TMEFF2: variants seen among roughly 807,000 people sequenced by gnomAD.
TMEFF2 encodes the protein tomoregulin-2.
In TMEFF2, 28 loss-of-function variants were observed where a neutral mutation model predicts 53.8. That is an observed-to-expected ratio of 0.52 (90% confidence interval 0.39 to 0.71). TMEFF2 has a LOEUF of 0.71. Among genes scored for constraint, TMEFF2 ranks in the 30% least tolerant of loss-of-function variants. The pLI, the probability that TMEFF2 is intolerant of heterozygous loss-of-function variation, is 0.00. For missense variants in TMEFF2, 353 were observed against 455.2 expected (o/e 0.78, Z 2.04); for synonymous variants, 162 against 166.3 (o/e 0.97, Z 0.20).
At chr2:192,135,279 A>G (rs756378733) in intron 4 of TMEFF2, among the ~76,000 whole-genome samples, 5 of 152,310 alleles carry the variant, frequency 3.3e-5, no homozygotes, top group Non-Finnish European at 7.3e-5. Context: ...CTCTTGAAGT[A>G]AATAAATAAT....
chr2:192,002,578 C>G (rs1686392537), intron 5 of TMEFF2, among the ~76,000 whole-genome samples: 1 of 151,868 alleles, frequency 6.6e-6, no homozygotes, highest in Admixed American at 6.6e-5. Flanking sequence ...GCCTGTAATC[C>G]CAGCACCCTG....
At chr2:192,031,408 G>C (rs1339815195) in intron 5 of TMEFF2, 4 of 152,136 alleles carry the variant, frequency 2.6e-5, no homozygotes, top group Non-Finnish European at 5.9e-5. Context: ...AATACTTGGA[G>C]CGTGAGAATC....
intron 5 of TMEFF2, among the ~76,000 whole-genome samples, chr2:192,048,147 C>G (rs572521469): frequency 6.7e-6 from 1 of 149,088 alleles, no homozygotes; most frequent in African/African-American, 2.5e-5. Flanking sequence ...TAGGACAGTA[C>G]GCTCAAACGA....
intron 8 of TMEFF2, among the ~76,000 whole-genome samples, chr2:191,954,613 T>A (rs996456915): frequency 2.6e-5 from 4 of 152,198 alleles, no homozygotes; most frequent in African/African-American, 9.7e-5. Flanking sequence ...TCAGAATAAA[T>A]GTTGAGAAAT....
chr2:192,089,951 G>A (rs1266444109), intron 4 of TMEFF2, among the ~76,000 whole-genome samples: 1 of 152,106 alleles, frequency 6.6e-6, no homozygotes, highest in South Asian at 2.1e-4. Flanking sequence ...CCCTATGTAA[G>A]ATGACTTCTC....
At chr2:192,005,934 G>A (rs1327364691) in intron 5 of TMEFF2, among the ~76,000 whole-genome samples, 1 of 151,890 alleles carries the variant, frequency 6.6e-6, no homozygotes, top group African/African-American at 2.4e-5. Flanking sequence ...TGAGTTGTGA[G>A]AGAAAATGAG....
intron 5 of TMEFF2, among the ~76,000 whole-genome samples, chr2:192,048,943 AAAAC>A (rs1167219501): frequency 1.3e-5 from 2 of 152,232 alleles, no homozygotes; most frequent in East Asian, 1.9e-4. Flanking sequence ...ACCTCTGTGA[AAAAC>A]AAACAAATGA....
At chr2:192,130,378 A>G (rs965010305) in intron 4 of TMEFF2, among the ~76,000 whole-genome samples, 1 of 152,100 alleles carries the variant, frequency 6.6e-6, no homozygotes, top group Non-Finnish European at 1.5e-5. Flanking sequence ...AATACCTTAG[A>G]AAGAGTATGT....
At chr2:192,089,956 C>A (rs1186871120) in intron 4 of TMEFF2, among the ~76,000 whole-genome samples, 1 of 151,992 alleles carries the variant, frequency 6.6e-6, no homozygotes, top group Non-Finnish European at 1.5e-5. Context: ...TGTAAGATGA[C>A]TTCTCTTCTC....
chr2:191,973,895 T>G (rs1281197839), intron 7 of TMEFF2, among the ~76,000 whole-genome samples: 1 of 152,188 alleles, frequency 6.6e-6, no homozygotes, highest in Non-Finnish European at 1.5e-5. Flanking sequence ...TGTCACCATG[T>G]GAAGAAGGAT....
chr2:191,975,279 T>TTG (rs1685686839), intron 7 of TMEFF2, among the ~76,000 whole-genome samples: 1 of 122,374 alleles, frequency 8.2e-6, no homozygotes, highest in Admixed American at 8.5e-5. Context: ...TTTTTTTTTT[T>TTG]TTGCCTAAAA....
intron 4 of TMEFF2, among the ~76,000 whole-genome samples, chr2:192,146,851 T>A (rs1690264442): frequency 6.6e-6 from 1 of 152,150 alleles, no homozygotes; most frequent in African/African-American, 2.4e-5. Context: ...GCTTACAGCG[T>A]AAGCTAAGCA....
chr2:191,953,883 ATTT>A (rs563154787), intron 8 of TMEFF2, 46 bp from the exon 9 acceptor site: 46,354 of 599,810 alleles, frequency 0.077, 179 homozygotes, highest in South Asian at 0.091. Context: ...TGCTGCATTC[ATTT>A]TTTTTTTTTT....
At chr2:192,041,506 G>A (rs1311128062) in intron 5 of TMEFF2, among the ~76,000 whole-genome samples, 2 of 152,138 alleles carry the variant, frequency 1.3e-5, no homozygotes, top group African/African-American at 4.8e-5. Flanking sequence ...ACACTCATAC[G>A]CTGCTGGTGG....
chr2:192,052,780 C>A (rs890042072), intron 5 of TMEFF2, among the ~76,000 whole-genome samples: 5 of 152,094 alleles, frequency 3.3e-5, no homozygotes, highest in African/African-American at 1.2e-4. Context: ...TAACCCCTTC[C>A]CCATAAACAG....
intron 5 of TMEFF2, chr2:192,036,122 A>G (rs1687286792): frequency 6.6e-6 from 1 of 152,198 alleles, no homozygotes; most frequent in South Asian, 2.1e-4. Context: ...TCATTCATTT[A>G]TTCATGTAGT....
At chr2:192,018,698 A>G (rs954305256) in intron 5 of TMEFF2, among the ~76,000 whole-genome samples, 1 of 152,110 alleles carries the variant, frequency 6.6e-6, no homozygotes, top group South Asian at 2.1e-4. Flanking sequence ...TTTTGATCCA[A>G]TATATTTTCA....
chr2:192,183,102 C>T (rs1263470432), intron 3 of TMEFF2, among the ~76,000 whole-genome samples: 1 of 151,990 alleles, frequency 6.6e-6, no homozygotes, highest in Non-Finnish European at 1.5e-5. Context: ...CCTGACCACC[C>T]TTTCATGAAG....
intron 3 of TMEFF2, among the ~76,000 whole-genome samples, chr2:192,183,364 TA>T (rs1473985839): frequency 3.3e-5 from 5 of 152,014 alleles, no homozygotes; most frequent in African/African-American, 7.2e-5. Context: ...ACTTAGCACA[TA>T]ACTTTTAACA....
Sources: gnomAD v4.1 joint callset for allele counts (sites outside exome capture counted in the v4.1 genomes callset) on GRCh38, gnomAD v4.1.1 for gene constraint, MANE v1.5 for transcripts, NCBI Gene and HGNC (gene_info 2026-07-23, HGNC 2026-07-21) for gene names.